CPZ: variants seen among roughly 807,000 people sequenced by gnomAD.
CPZ encodes the protein VEZT/CPZ fusion.
A neutral mutation model predicts 61.8 loss-of-function variants in CPZ; 103 were observed. That is an observed-to-expected ratio of 1.67 (90% CI 1.42 to 1.96). The LOEUF (loss-of-function observed/expected upper bound fraction) is 1.96, where lower values mean the gene tolerates loss of function less well. Among genes scored for constraint, CPZ ranks in the 30% most tolerant of loss-of-function variants. The pLI is 0.00. For missense variants in CPZ, 1,461 were observed against 914.9 expected, an observed-to-expected ratio of 1.60 and a Z score of -7.70; for synonymous variants, 551 against 373.7, an observed-to-expected ratio of 1.47 and a Z score of -5.47.
At chr4:8,604,925 C>A (rs1213243082) in intron 4 of CPZ, among the ~76,000 whole-genome samples, 1 of 152,258 alleles carries the variant, frequency 6.6e-6, no homozygotes, top group Non-Finnish European at 1.5e-5. Flanking sequence ...AAGGCTCTAT[C>A]TCTTACCAGG....
rs781743967 is a variant in CPZ, at chr4:8,601,294, G to C, written c.293G>C (p.Arg98Pro). The C allele has an allele frequency of 3.7e-6, 6 of 1,613,074 alleles. No homozygotes were observed. The highest frequency in any genetic ancestry group is 5.1e-6 in the Non-Finnish European group (6 of 1,179,690). ...LLEGQCNPDL[R>P]LLGCAVLAPR... ...GAAGGCCAGTGCAACCCGGACCTGC[G>C]GCTGCTGGGCTGTGCTGTGCTGGCC... Residue 98 changes from arginine to proline, a missense_variant, in exon 3 of 11, where the codon CGG becomes CCG. Arg to Pro is a moderately radical substitution (Grantham distance 103). Coordinates refer to ENST00000360986, the MANE Select transcript of CPZ (RefSeq NM_001014447.3).
intron 2 of CPZ, among the ~76,000 whole-genome samples, chr4:8,600,456 GA>G (rs1382290957): frequency 2.0e-5 from 3 of 151,948 alleles, no homozygotes; most frequent in Non-Finnish European, 2.9e-5. Flanking sequence ...CGGCTGCGGG[GA>G]CACAGTCAGC....
intron 9 of CPZ, 123 bp from the exon 10 acceptor site, chr4:8,618,306 G>C (rs1201779205): frequency 2.3e-5 from 19 of 810,084 alleles, no homozygotes; most frequent in Non-Finnish European, 3.4e-5. Context: ...GCAGAGTGGG[G>C]CTCTGTGGGG....
At chr4:8,601,642 C>T (rs1714585305) in intron 3 of CPZ, 145 bp downstream of exon 3, 3 of 886,680 alleles carry the variant, frequency 3.4e-6, no homozygotes, top group Admixed American at 3.5e-5. Context: ...CTCCCCGAGG[C>T]AGCATGTTCC....
At chr4:8,614,133 A>C (rs1646555405) in intron 8 of CPZ, among the ~76,000 whole-genome samples, 1 of 152,188 alleles carries the variant, frequency 6.6e-6, no homozygotes, top group African/African-American at 2.4e-5. Flanking sequence ...CATATGGTCC[A>C]CCTTGCAGTT....
chr4:8,603,616 G>T, intron 3 of CPZ: 3 of 280,792 alleles, frequency 1.1e-5, no homozygotes, highest in Admixed American at 5.1e-5. Context: ...AACACGCCCA[G>T]GAAAATCCCC....
chr4:8,593,935 T>C (rs1713983070), intron 1 of CPZ, among the ~76,000 whole-genome samples: 1 of 152,140 alleles, frequency 6.6e-6, no homozygotes, highest in Non-Finnish European at 1.5e-5. Context: ...GCTTGTGCCG[T>C]GTTGTGGGTG....
At chr4:8,612,236 A>G (rs1213134970) in intron 8 of CPZ, 74 bp downstream of exon 8, 2 of 1,060,332 alleles carry the variant, frequency 1.9e-6, no homozygotes, top group Non-Finnish European at 2.6e-6. Flanking sequence ...GGCAAGGCGT[A>G]ACTCCACGGT....
intron 9 of CPZ, among the ~76,000 whole-genome samples, chr4:8,617,540 T>C (rs1226938660): frequency 2.0e-5 from 3 of 152,238 alleles, no homozygotes; most frequent in Admixed American, 2.0e-4. Context: ...CTCTCCAACC[T>C]AAAATGTTTT....
In CPZ at chr4:8,592,783, GGCCCGAGT is replaced by G. The variant is rs1713874471; in HGVS notation, c.-47_-40del. 1 of 1,287,592 alleles carries G rather than the reference GGCCCGAGT, an allele frequency of 7.8e-7. No homozygotes were observed. Among genetic ancestry groups the G allele is most frequent in the Non-Finnish European group, 1.0e-6 (1 of 997,736 alleles). The allele number at this position is 1,287,592 out of a possible 1,614,324, so 79.8% of individuals were successfully genotyped here. A position where few individuals can be genotyped will look rare whatever the true frequency, so the allele number is the denominator to read the frequency against. On this transcript the variant is annotated 5_prime_UTR_variant, in exon 1 of 11. Coordinates refer to ENST00000360986, the MANE Select transcript of CPZ (RefSeq NM_001014447.3). ...CGAGCGCAGAGCCCCGGCCCCGCGC[GGCCCGAGT>G]GCCACATCACTGCGCTGGCCGTCCA...
intron 4 of CPZ, 101 bp downstream of exon 4, chr4:8,604,289 G>A (rs1714785098): frequency 1.7e-6 from 2 of 1,171,624 alleles, no homozygotes; most frequent in South Asian, 1.6e-5. Flanking sequence ...TGGGGTCCTG[G>A]GCAGAGCTGG....
intron 6 of CPZ, 85 bp downstream of exon 6, chr4:8,606,983 C>T: frequency 6.9e-7 from 1 of 1,447,466 alleles, no homozygotes; most frequent in Non-Finnish European, 9.3e-7. Context: ...GTTGTCCTTC[C>T]CTGGGGACAG....
intron 8 of CPZ, 121 bp from the exon 9 acceptor site, chr4:8,614,238 C>G: frequency 5.8e-6 from 8 of 1,372,584 alleles, no homozygotes; most frequent in Non-Finnish European, 7.9e-6. Flanking sequence ...GACGTCCCGG[C>G]TGTCTCTGCG....
In CPZ at chr4:8,606,040, G is replaced by C; in HGVS notation, c.761G>C (p.Gly254Ala). 2 of 1,614,170 alleles carry C rather than the reference G, an allele frequency of 1.2e-6. No homozygotes were observed. Among genetic ancestry groups the C allele is most frequent in the Admixed American group, 1.7e-5 (1 of 60,028 alleles). ...IGNIHGNEVA[G>A]REMLIYLAQY... ...AACATTCATGGCAACGAGGTGGCGG[G>C]CCGGGAGATGCTCATCTACCTAGCC... The change falls in exon 5 of 11, where the codon GGC becomes GCC. Residue 254 changes from glycine to alanine, a missense_variant. Gly to Ala is a moderately conservative substitution (Grantham distance 60, BLOSUM62 0). Transcript: ENST00000360986.
chr4:8,606,329 C>G (rs1715000635), intron 5 of CPZ, 144 bp downstream of exon 5: 12 of 820,548 alleles, frequency 1.5e-5, no homozygotes, highest in Non-Finnish European at 2.0e-5. Flanking sequence ...ACTGGCAAAC[C>G]CCTGCTTCAG....
chr4:8,595,729 C>G (rs1052556109), intron 1 of CPZ, among the ~76,000 whole-genome samples: 2 of 152,230 alleles, frequency 1.3e-5, no homozygotes, highest in African/African-American at 4.8e-5. Flanking sequence ...TCCCTGGCAC[C>G]TGTGAATGGG....
chr4:8,609,644 A>G (rs139542035), intron 7 of CPZ, among the ~76,000 whole-genome samples: 1 of 151,774 alleles, frequency 6.6e-6, no homozygotes, highest in South Asian at 2.1e-4. Context: ...CAGAGCTGGC[A>G]GGGCAGGGCA....
chr4:8,606,933 A>G, intron 6 of CPZ, 35 bp downstream of exon 6: 2 of 1,558,002 alleles, frequency 1.3e-6, no homozygotes, highest in Non-Finnish European at 1.7e-6. Flanking sequence ...GGTCTCCACC[A>G]AGGCATCCAG....
At chr4:8,618,770 G>A (rs983001113) in intron 10 of CPZ, among the ~76,000 whole-genome samples, 1 of 152,180 alleles carries the variant, frequency 6.6e-6, no homozygotes, top group Non-Finnish European at 1.5e-5. Flanking sequence ...TGCATGCTCT[G>A]TATTCCTAGG....
Sources: allele counts gnomAD v4.1 joint callset (sites outside exome capture counted in the v4.1 genomes callset), GRCh38; gene constraint gnomAD v4.1.1; transcripts MANE v1.5; gene names NCBI Gene and HGNC (gene_info 2026-07-23, HGNC 2026-07-21).